Variants in ARNT observed in about 807,000 individuals in gnomAD.
ARNT encodes the protein class E basic helix-loop-helix protein 2.
In ARNT, 30 loss-of-function variants were observed where a neutral mutation model predicts 105.0. The observed-to-expected ratio is 0.29, with a 90% CI of 0.21 to 0.39. The LOEUF (loss-of-function observed/expected upper bound fraction) is 0.39, where lower values mean the gene tolerates loss of function less well. Among genes scored for constraint, ARNT ranks in the 10% least tolerant of loss-of-function variants. The probability of loss-of-function intolerance (pLI) is 1.00; values close to 1 mark genes in which losing one functional copy is unlikely to be tolerated. For synonymous variants in ARNT, 304 were observed against 344.0 expected (o/e 0.88, Z 1.29); for missense variants, 748 against 978.7 (o/e 0.76, Z 3.15).
At chr1:150,846,152 C>T (rs1019577241) in intron 4 of ARNT, 111 bp downstream of exon 4, 6 of 830,896 alleles carry the variant, frequency 7.2e-6, no homozygotes, top group African/African-American at 1.7e-5. Flanking sequence ...AGATATTAAA[C>T]AGAGAAATTC....
intron 19 of ARNT, 128 bp from the exon 20 acceptor site, chr1:150,814,367 T>C: frequency 5.6e-6 from 5 of 896,694 alleles, no homozygotes; most frequent in Non-Finnish European, 8.3e-6. Flanking sequence ...TTATTTCCTA[T>C]TGTATATTTC....
chr1:150,840,393 G>A (rs1661060777), intron 5 of ARNT, among the ~76,000 whole-genome samples: 1 of 152,118 alleles, frequency 6.6e-6, no homozygotes, highest in African/African-American at 2.4e-5. Context: ...GAAAATAAAA[G>A]GACCAATTTT....
intron 1 of ARNT, among the ~76,000 whole-genome samples, chr1:150,866,636 T>C (rs1223181526): frequency 6.6e-6 from 1 of 152,186 alleles, no homozygotes; most frequent in Non-Finnish European, 1.5e-5. Context: ...TAAATATTAA[T>C]ATATGGATGT....
At chr1:150,828,205 T>C (rs1658644258) in intron 12 of ARNT, among the ~76,000 whole-genome samples, 2 of 152,130 alleles carry the variant, frequency 1.3e-5, no homozygotes, top group African/African-American at 2.4e-5. Context: ...AAGAAATCTT[T>C]TGCCTAACTC....
chr1:150,833,009 C>A (rs1659615110), intron 8 of ARNT, among the ~76,000 whole-genome samples: 1 of 152,172 alleles, frequency 6.6e-6, no homozygotes, highest in Non-Finnish European at 1.5e-5. Context: ...TTCTAAATAT[C>A]TTTACATATA....
intron 14 of ARNT, among the ~76,000 whole-genome samples, chr1:150,821,821 G>GT (rs1195832861): frequency 2.5e-5 from 3 of 117,838 alleles, no homozygotes; most frequent in Admixed American, 9.2e-5. Flanking sequence ...GCTAATTTTT[G>GT]TATTTTCTTT....
In ARNT at chr1:150,816,799, T is replaced by C. The variant is rs766567249; in HGVS notation, c.1791A>G (p.Ala597=). ...GNTFPPTPRP[A]ENFRNSGLAP... Reference sequence around the variant, plus strand: ...TATACGGGGCTCACCTGAAATTCTCTGCCGGCCGGGGGGTAGGAGGGAATG... The same window carrying C: ...TATACGGGGCTCACCTGAAATTCTCCGCCGGCCGGGGGGTAGGAGGGAATG... The change falls in exon 18 of 22, where the codon GCA becomes GCG. Residue 597 remains alanine (A), a synonymous_variant. Transcript: ENST00000358595. 1.3e-6 allele frequency: 2 copies of C among 1,581,090 alleles called. No individual in the cohort carries two copies. Among genetic ancestry groups the C allele is most frequent in the Non-Finnish European group, 1.7e-6 (2 of 1,171,610 alleles).
rs1290438072 is a variant in ARNT, at chr1:150,816,367, T to TA, written c.1841_1842insT (p.Ser615IlefsTer45). On this transcript the variant is annotated frameshift_variant, in exon 19 of 22. Transcript: ENST00000358595. LOFTEE classifies it high-confidence loss of function. Reference sequence around the variant, plus strand: ...CCAACATCTGTCCTGCAGAAGCTGATGGCTGGACAATGGTTACAGGAGGGG... The same window carrying TA: ...CCAACATCTGTCCTGCAGAAGCTGATAGGCTGGACAATGGTTACAGGAGGGG... 6.2e-7 allele frequency: 1 copy of TA among 1,608,852 alleles called. No individual in the cohort carries two copies.
intron 1 of ARNT, among the ~76,000 whole-genome samples, chr1:150,860,999 T>C (rs888561971): frequency 3.3e-5 from 5 of 152,072 alleles, no homozygotes; most frequent in Admixed American, 2.6e-4. Flanking sequence ...AATAAATACA[T>C]GTAAAGTGCT....
intron 14 of ARNT, among the ~76,000 whole-genome samples, chr1:150,821,547 C>T (rs1484200617): frequency 1.3e-5 from 2 of 152,172 alleles, no homozygotes; most frequent in Admixed American, 6.5e-5. Context: ...TAACTTTACG[C>T]GGTTATGATT....
chr1:150,873,091 T>G (rs1352446833), intron 1 of ARNT, among the ~76,000 whole-genome samples: 1 of 151,740 alleles, frequency 6.6e-6, no homozygotes, highest in Non-Finnish European at 1.5e-5. Flanking sequence ...GAGACCACCC[T>G]GGCTAACAGG....
At chr1:150,839,795 TA>T in intron 5 of ARNT, 141 bp from the exon 6 acceptor site, 2 of 894,072 alleles carry the variant, frequency 2.2e-6, no homozygotes, top group Admixed American at 2.6e-5. Context: ...GCAGTTAAAA[TA>T]AGGTTTGCCA....
rs772319934 is a variant in ARNT, at chr1:150,852,737, TAAGGA to T, written c.182+20_182+24del. 6.3e-7 allele frequency: 1 copy of T among 1,596,176 alleles called. No individual in the cohort carries two copies. Among genetic ancestry groups the T allele is most frequent in the South Asian group, 1.1e-5 (1 of 89,310 alleles). On this transcript the variant is annotated intron_variant, in intron 3 of 21. Transcript: ENST00000358595. ...AAACTAATTTTTAATATCAGACATCTAAGGAAAGTTTTTCAGTCTCTTACCTCAAA... is the reference window on the plus strand; with the variant it reads ...AAACTAATTTTTAATATCAGACATCTAAGTTTTTCAGTCTCTTACCTCAAA...
At chr1:150,825,424 T>G (rs1658007049) in intron 13 of ARNT, among the ~76,000 whole-genome samples, 1 of 152,182 alleles carries the variant, frequency 6.6e-6, no homozygotes, top group Admixed American at 6.5e-5. Flanking sequence ...AATTAACTTG[T>G]CTAATACAAA....
chr1:150,818,238 G>C, intron 14 of ARNT: 2 of 468,882 alleles, frequency 4.3e-6, no homozygotes, highest in Non-Finnish European at 7.6e-6. Context: ...ATGACACAGG[G>C]GTCATCTTGT....
At position 150,816,366 on chromosome 1, in the gene ARNT, A is replaced by C. The variant is rs1006646907; in HGVS notation, c.1843T>G (p.Ser615Ala). ...LAPPVTIVQP[S>A]ASAGQMLAQI... ...GCCAACATCTGTCCTGCAGAAGCTG[A>C]TGGCTGGACAATGGTTACAGGAGGG... The change falls in exon 19 of 22, where the codon TCA becomes GCA. Residue 615 changes from serine to alanine, a missense_variant. By Grantham distance (99) the Ser-to-Ala change is moderately conservative. This residue lies in a region of ARNT where 360 missense variants were observed against 411.9 expected (regional missense o/e 0.87). Coordinates refer to ENST00000358595, the MANE Select transcript of ARNT (RefSeq NM_001668.4). The C allele has an allele frequency of 1.2e-6, 2 of 1,608,556 alleles. No homozygotes were observed. Among genetic ancestry groups the C allele is most frequent in the Non-Finnish European group, 1.7e-6 (2 of 1,178,620 alleles).
intron 1 of ARNT, among the ~76,000 whole-genome samples, chr1:150,861,545 T>C (rs1255778847): frequency 6.6e-6 from 1 of 152,150 alleles, no homozygotes; most frequent in East Asian, 1.9e-4. Flanking sequence ...CATGGTGGCT[T>C]ACACCTGTAA....
At chr1:150,823,470 C>A in intron 13 of ARNT, 125 bp from the exon 14 acceptor site, 8 of 832,560 alleles carry the variant, frequency 9.6e-6, no homozygotes, top group South Asian at 2.9e-5. Flanking sequence ...CAATATTTTT[C>A]AATATTAAAA....
At chr1:150,841,953 G>A (rs1661370050) in intron 5 of ARNT, among the ~76,000 whole-genome samples, 1 of 152,192 alleles carries the variant, frequency 6.6e-6, no homozygotes, top group African/African-American at 2.4e-5. Flanking sequence ...GTTCTGTTGT[G>A]AGAATAATCT....
Sources: allele counts gnomAD v4.1 joint callset (sites outside exome capture counted in the v4.1 genomes callset), GRCh38; gene constraint gnomAD v4.1.1; regional missense constraint gnomAD v4.1.1; transcripts MANE v1.5; gene names NCBI Gene and HGNC (gene_info 2026-07-23, HGNC 2026-07-21).